The following SOCS4 variants were observed in gnomAD, a reference collection of about 807,000 sequenced individuals.
The protein encoded by SOCS4 is SH2 domain containing SOCS box protein.
Under a neutral mutation model 34.1 loss-of-function variants are expected in SOCS4, and 20 were observed. The observed-to-expected ratio is 0.59, with a 90% CI of 0.41 to 0.85. SOCS4 has a LOEUF of 0.85. Among genes scored for constraint, SOCS4 ranks in the 40% least tolerant of loss-of-function variants. The pLI is 0.00. For missense variants in SOCS4, 479 were observed against 532.4 expected (o/e 0.90, Z 0.99); for synonymous variants, 180 against 186.4 (o/e 0.97, Z 0.28).
Position 55,043,032 on chromosome 14 carries a change from A to C in SOCS4, c.-10A>C. On this transcript the variant is annotated 5_prime_UTR_variant, in exon 3 of 3. Transcript: ENST00000555846. Reference sequence around the variant, plus strand: ...TATTTATAACATTAGAATCTGGATAATTTGTTAACATGGCAGAAAATAATG... The same window carrying C: ...TATTTATAACATTAGAATCTGGATACTTTGTTAACATGGCAGAAAATAATG... 6.3e-7 allele frequency: 1 copy of C among 1,592,446 alleles called. No homozygotes were observed. The highest frequency in any genetic ancestry group is 8.6e-7 in the Non-Finnish European group (1 of 1,169,286).
intron 2 of SOCS4, among the ~76,000 whole-genome samples, chr14:55,034,562 G>A (rs1012534098): frequency 6.6e-6 from 1 of 152,074 alleles, no homozygotes; most frequent in African/African-American, 2.4e-5. Flanking sequence ...GGCCAGTCGC[G>A]GTGACTCATG....
rs936242207 is a variant in SOCS4 at position 55,047,330 on chromosome 14, A to G, written c.*2966A>G. 1.2e-5 allele frequency: 2 copies of G among 167,118 alleles called. No individual in the cohort carries two copies. Among genetic ancestry groups the G allele is most frequent in the Non-Finnish European group, 2.9e-5 (2 of 68,118 alleles). 10.4% of individuals were successfully genotyped at this position (167,118 alleles called of 1,614,324 possible). On this transcript the variant is annotated 3_prime_UTR_variant, in exon 3 of 3. Coordinates refer to ENST00000555846, the MANE Select transcript of SOCS4 (RefSeq NM_199421.2). ...TTTCTATTTTTCTCTGAAGCTTTAC[A>G]GGACATACTCCCACTCCCATTTTTT...
rs1388828926 is a variant in SOCS4, at chr14:55,043,559, A to T, written c.518A>T (p.Asp173Val). The T allele has an allele frequency of 6.2e-7, 1 of 1,614,178 alleles. No homozygotes were observed. The highest frequency in any genetic ancestry group is 8.5e-7 in the Non-Finnish European group (1 of 1,180,020). The change falls in exon 3 of 3, where the codon GAT (aspartate) becomes GTT (valine). Residue 173 changes from aspartate (D) to valine (V), a missense_variant. By Grantham distance (152) the Asp-to-Val change is radical (BLOSUM62 -3). Coordinates refer to ENST00000555846, the MANE Select transcript of SOCS4 (RefSeq NM_199421.2). ...STDLSQTELR[D>V]GQLKRRNMEE... ...GACTTGTCTCAGACTGAATTGAGGG[A>T]TGGTCAGCTAAAACGAAGAAATATG...
rs35998700 is a variant in SOCS4, at chr14:55,041,783, C to CTTTTTTTTTTTT, written c.-90-1154_-90-1143dup. Among the ~76,000 whole-genome samples, 94 of 40,080 alleles carry CTTTTTTTTTTTT rather than the reference C, an allele frequency of 2.3e-3. 12 individuals carry two copies. Among genetic ancestry groups the CTTTTTTTTTTTT allele is most frequent in the Non-Finnish European group, 2.9e-3 (62 of 21,042 alleles). The allele number at this position is 40,080 out of a possible 152,430, so 26.3% of individuals were successfully genotyped here. On this transcript the variant is annotated intron_variant, in intron 2 of 2. Coordinates refer to ENST00000555846, the MANE Select transcript of SOCS4 (RefSeq NM_199421.2). ...CCACCGTGCCCAGCCAACCCTTAAT[C>CTTTTTTTTTTTT]TTTTTTTTTTTTTTTTTTTTTTTTT...
chr14:55,032,965 G>A (rs1220567962), intron 2 of SOCS4, among the ~76,000 whole-genome samples: 1 of 152,038 alleles, frequency 6.6e-6, no homozygotes, highest in Non-Finnish European at 1.5e-5. Context: ...TGTATTTTTA[G>A]TAGAGATGGG....
intron 2 of SOCS4, among the ~76,000 whole-genome samples, chr14:55,035,989 G>A (rs557122442): frequency 4.3e-4 from 65 of 152,118 alleles, no homozygotes; most frequent in Admixed American, 7.9e-4. Context: ...GCGGACACGA[G>A]CACATTAGCA....
rs770161935 is a variant in SOCS4, at chr14:55,043,404, A to C, written c.363A>C (p.Lys121Asn). The change falls in exon 3 of 3, where the codon AAA (lysine) becomes AAC (asparagine). Residue 121 changes from lysine (K) to asparagine (N), a missense_variant. Transcript: ENST00000555846. ...RHSSGLPSKR[K>N]IHISELMLDK... The stretch of plus-strand genomic sequence containing the variant: ...CTTCAGGGCTTCCGTCTAAAAGGAA[A>C]ATTCATATCAGTGAACTCATGTTAG... The C allele has an allele frequency of 6.2e-7, 1 of 1,614,178 alleles. No individual in the cohort carries two copies. Among genetic ancestry groups the C allele is most frequent in the South Asian group, 1.1e-5 (1 of 91,080 alleles).
intron 2 of SOCS4, among the ~76,000 whole-genome samples, chr14:55,035,967 GA>G (rs891079923): frequency 4.6e-4 from 67 of 144,906 alleles, no homozygotes; most frequent in African/African-American, 1.1e-3. Flanking sequence ...ATGATTTAAA[GA>G]AAAAAAAAAT....
intron 2 of SOCS4, among the ~76,000 whole-genome samples, chr14:55,035,887 C>T (rs1345205035): frequency 6.7e-6 from 1 of 149,950 alleles, no homozygotes; most frequent in Non-Finnish European, 1.5e-5. Context: ...TGGCCATTTC[C>T]AAGAAACACC....
chr14:55,044,210 A>G lies in SOCS4; in HGVS notation c.1169A>G (p.Gln390Arg). ...PLIRTFPFSL[Q>R]HICRTVICNC... ...ATTCGGACTTTCCCTTTTTCCCTGCAGCATATATGCAGAACAGTTATTTGT... is the reference window on the plus strand; with the variant it reads ...ATTCGGACTTTCCCTTTTTCCCTGCGGCATATATGCAGAACAGTTATTTGT... The change falls in exon 3 of 3, where the codon CAG becomes CGG. Residue 390 changes from glutamine (Q) to arginine (R), a missense_variant. Physicochemically the swap from Gln to Arg is conservative, Grantham distance 43. Transcript: ENST00000555846. 1.2e-6 allele frequency: 2 copies of G among 1,614,012 alleles called. No homozygotes were observed. The highest frequency in any genetic ancestry group is 2.2e-5 in the South Asian group (2 of 91,080).
chr14:55,031,926 T>A lies in SOCS4; in HGVS notation c.-156T>A, dbSNP rs938845859. 6.6e-6 allele frequency: 1 copy of A among 152,218 alleles called. No homozygotes were observed. The highest frequency in any genetic ancestry group is 1.5e-5 in the Non-Finnish European group (1 of 68,046). The allele number at this position is 152,218 out of a possible 1,614,324, so 9.4% of individuals were successfully genotyped here. On this transcript the variant is annotated 5_prime_UTR_variant, in exon 2 of 3. Transcript: ENST00000555846. The stretch of plus-strand genomic sequence containing the variant: ...GTGGAGCCTAAGTGTTTCTACAGAA[T>A]CCAACTCAAATATCAAGGACTATGA...
At chr14:55,038,368 T>G (rs1019013684) in intron 2 of SOCS4, among the ~76,000 whole-genome samples, 2 of 152,206 alleles carry the variant, frequency 1.3e-5, no homozygotes, top group Non-Finnish European at 2.9e-5. Context: ...CTGGAAGCTG[T>G]GTGTGAGTAG....
rs1255613564 is a variant in SOCS4 at position 55,046,527 on chromosome 14, T to G, written c.*2163T>G. On this transcript the variant is annotated 3_prime_UTR_variant, in exon 3 of 3. Transcript: ENST00000555846. ...TTGTCTTTTATAGTGTTAAAATTAG[T>G]ATTTATATGAAAGTCAAGATCTAAG... The G allele has an allele frequency of 6.0e-6, 1 of 167,002 alleles. No individual in the cohort carries two copies. Among genetic ancestry groups the G allele is most frequent in the African/African-American group, 2.4e-5 (1 of 41,468 alleles). 10.3% of individuals were successfully genotyped at this position (167,002 alleles called of 1,614,324 possible). A position where few individuals can be genotyped will look rare whatever the true frequency, so the allele number is the denominator to read the frequency against.
intron 2 of SOCS4, among the ~76,000 whole-genome samples, chr14:55,034,333 CAAATAT>C (rs1307611640): frequency 5.9e-5 from 9 of 152,052 alleles, no homozygotes; most frequent in South Asian, 2.1e-4. Context: ...ATGTTTTAGA[CAAATAT>C]AAATAGAAAA....
chr14:55,044,491 T>TTTAC lies in SOCS4; in HGVS notation c.*129_*132dup, dbSNP rs2042656172. 3.2e-6 allele frequency: 2 copies of TTTAC among 622,208 alleles called. No individual in the cohort carries two copies. The highest frequency in any genetic ancestry group is 4.0e-5 in the Admixed American group (1 of 24,850). The allele number at this position is 622,208 out of a possible 1,614,324, so 38.5% of individuals were successfully genotyped here. ...CCAAAATAAAATCTCTGCCCTAAAT[T>TTTAC]TTACTAATAAATCCATTTTTCTAGT... On this transcript the variant is annotated 3_prime_UTR_variant, in exon 3 of 3. Coordinates refer to ENST00000555846, the MANE Select transcript of SOCS4 (RefSeq NM_199421.2).
chr14:55,040,774 G>A (rs1419998838), intron 2 of SOCS4, among the ~76,000 whole-genome samples: 1 of 151,832 alleles, frequency 6.6e-6, no homozygotes, highest in East Asian at 1.9e-4. Flanking sequence ...ATACTGTATT[G>A]CTTTTAATTT....
Position 55,043,711 on chromosome 14 carries a change from G to T in SOCS4, c.670G>T (p.Glu224Ter), listed in dbSNP as rs750933943. 1 of 1,614,096 alleles carries T rather than the reference G, an allele frequency of 6.2e-7. No individual in the cohort carries two copies. The highest frequency in any genetic ancestry group is 1.1e-5 in the South Asian group (1 of 91,072). The change falls in exon 3 of 3, where the codon GAA becomes TAA. Residue 224 changes from glutamate (E) to a stop codon, truncating the protein, a stop_gained. Transcript: ENST00000555846. LOFTEE classifies it high-confidence loss of function. Reference sequence around the variant, plus strand: ...GAACCTGGTTTCAAATAACAGTATAGAAGATAGTGATATGGATTCCGATGA... The same window carrying T: ...GAACCTGGTTTCAAATAACAGTATATAAGATAGTGATATGGATTCCGATGA... ...VMNLVSNNSI[E>*]DSDMDSDDEI... is the part of the protein sequence containing the mutation.
Position 55,043,594 on chromosome 14 carries a change from A to ATC in SOCS4, c.554_555insCT (p.Asn186Ter). 6.2e-7 allele frequency: 1 copy of ATC among 1,614,212 alleles called. No individual in the cohort carries two copies. Among genetic ancestry groups the ATC allele is most frequent in the Non-Finnish European group, 8.5e-7 (1 of 1,180,030 alleles). ...AAAACGAAGAAATATGGAAGAAAAT[A>ATC]TAAACTGTTTCTCACATACCAATGT... On this transcript the variant is annotated frameshift_variant, in exon 3 of 3. Coordinates refer to ENST00000555846, the MANE Select transcript of SOCS4 (RefSeq NM_199421.2). LOFTEE classifies it high-confidence loss of function.
chr14:55,047,478 C>T lies in SOCS4; in HGVS notation c.*3114C>T, dbSNP rs1306700984. 6.0e-6 allele frequency: 1 copy of T among 166,944 alleles called. No homozygotes were observed. The highest frequency in any genetic ancestry group is 2.4e-5 in the African/African-American group (1 of 41,430). 10.3% of individuals were successfully genotyped at this position (166,944 alleles called of 1,614,324 possible). A position where few individuals can be genotyped will look rare whatever the true frequency, so the allele number is the denominator to read the frequency against. On this transcript the variant is annotated 3_prime_UTR_variant, in exon 3 of 3. Coordinates refer to ENST00000555846, the MANE Select transcript of SOCS4 (RefSeq NM_199421.2). ...GATCTTTCTATAACCATGCCATTCA[C>T]TTAAATAATTCATGAAGGGAATGGT... is the stretch of plus-strand genomic sequence containing the variant.
Sources: gnomAD v4.1 joint callset for allele counts (sites outside exome capture counted in the v4.1 genomes callset) on GRCh38, gnomAD v4.1.1 for gene constraint, MANE v1.5 for transcripts, NCBI Gene and HGNC (gene_info 2026-07-23, HGNC 2026-07-21) for gene names.